The following PRKDC variants were observed in gnomAD, a reference collection of about 807,000 sequenced individuals.
PRKDC encodes protein kinase, DNA-activated, catalytic subunit.
Under a neutral mutation model 486.9 loss-of-function variants are expected in PRKDC, and 82 were observed. The observed-to-expected ratio is 0.17, with a 90% confidence interval of 0.14 to 0.20. PRKDC has a LOEUF of 0.20. Ranked by LOEUF, PRKDC falls within the 10% of genes least tolerant of loss-of-function variation. The pLI, the probability that PRKDC is intolerant of heterozygous loss-of-function variation, is 1.00. For synonymous variants in PRKDC, 1,895 were observed against 1,837.0 expected (o/e 1.03, Z -0.81); for missense variants, 4,504 against 5,038.2 (o/e 0.89, Z 3.21).
intron 61 of PRKDC, among the ~76,000 whole-genome samples, chr8:47,829,494 AATC>A (rs955530970): frequency 1.3e-5 from 2 of 152,212 alleles, no homozygotes; most frequent in African/African-American, 2.4e-5. Context: ...AAATAAATCT[AATC>A]ATCAAATGCA....
At chr8:47,854,833 CCTCG>C (rs2088495866) in intron 50 of PRKDC, among the ~76,000 whole-genome samples, 1 of 152,126 alleles carries the variant, frequency 6.6e-6, no homozygotes, top group Non-Finnish European at 1.5e-5. Flanking sequence ...ATTTTATCGC[CCTCG>C]TATTTTAATT....
rs751427948 is a variant in PRKDC, at chr8:47,779,034, T to C, written c.11549A>G (p.His3850Arg). 4 of 1,601,870 alleles carry C rather than the reference T, an allele frequency of 2.5e-6. No homozygotes were observed. The highest frequency in any genetic ancestry group is 1.7e-5 in the Admixed American group (1 of 58,354). Residue 3850 changes from histidine to arginine, a missense_variant, in exon 81 of 86, where the codon CAT (histidine) becomes CGT (arginine). Physicochemically the swap from His to Arg is conservative, Grantham distance 29 (BLOSUM62 0). Transcript: ENST00000314191. Reference sequence around the variant, plus strand: ...CATTAGCATGTAAGCTCCAACATCATGTTTTCCTGACATTTTTGTCAGCCA... The same window carrying C: ...CATTAGCATGTAAGCTCCAACATCACGTTTTCCTGACATTTTTGTCAGCCA... Reference protein sequence around the residue: ...KDWLTKMSGKHDVGAYMLMYK... With the variant: ...KDWLTKMSGKRDVGAYMLMYK...
intron 64 of PRKDC, 39 bp from the exon 65 acceptor site, chr8:47,821,831 G>C (rs369463716): frequency 3.1e-5 from 46 of 1,471,112 alleles, no homozygotes; most frequent in Non-Finnish European, 4.1e-5. Flanking sequence ...TTACAAAGTT[G>C]GAAAGAATAC....
intron 18 of PRKDC, 149 bp downstream of exon 18, chr8:47,929,704 C>A: frequency 1.2e-6 from 1 of 864,370 alleles, no homozygotes. Flanking sequence ...TATCCAACTG[C>A]CATTCACATA....
rs1302651751 is a variant in PRKDC at position 47,943,340 on chromosome 8, C to T, written c.835G>A (p.Ala279Thr). The T allele has an allele frequency of 1.2e-6, 2 of 1,608,888 alleles. No homozygotes were observed. Among genetic ancestry groups the T allele is most frequent in the East Asian group, 2.2e-5 (1 of 44,844 alleles). ...SAGLRLFALH[A>T]SQFSTCLLDN... ...AGAAGGCAGGTGCTAAACTGAGATG[C>T]ATGCAGGGCAAATAGGCGCAAGCCA... The change falls in exon 10 of 86, where the codon GCA becomes ACA. Residue 279 changes from alanine to threonine, a missense_variant. By Grantham distance (58) the Ala-to-Thr change is moderately conservative. Transcript: ENST00000314191.
At position 47,776,887 on chromosome 8, in the gene PRKDC, C is replaced by T. The variant is rs763433546; in HGVS notation, c.12139G>A (p.Ala4047Thr). The T allele has an allele frequency of 8.1e-6, 13 of 1,613,750 alleles. No individual in the cohort carries two copies. The East Asian group carries it at 8.9e-5, about 11-fold the overall frequency. The change falls in exon 85 of 86, where the codon GCT becomes ACT. Residue 4047 changes from alanine to threonine, a missense_variant. This residue lies in a region of PRKDC where 706 missense variants were observed against 945.0 expected (regional missense o/e 0.75). Transcript: ENST00000314191. ...NWYPRQKICY[A>T]KRKLAGANPA... ...TTGGCACCTGCTAACTTTCTCTTAGCGTAACATATTTTCTGTCGGGGGTAC... is the reference window on the plus strand; with the variant it reads ...TTGGCACCTGCTAACTTTCTCTTAGTGTAACATATTTTCTGTCGGGGGTAC...
chr8:47,889,198 T>C lies in PRKDC; in HGVS notation c.4096A>G (p.Thr1366Ala). Residue 1366 changes from threonine (T) to alanine (A), a missense_variant, in exon 33 of 86, where the codon ACA (threonine) becomes GCA (alanine). Thr to Ala is a moderately conservative substitution (Grantham distance 58). Coordinates refer to ENST00000314191, the MANE Select transcript of PRKDC (RefSeq NM_006904.7). ...TGCACCAGGACTCTCATCAGGTGTG[T>C]ATTACACAAGTCCTTCTTCAGGAGC... ...WKLLKKDLCN[T>A]HLMRVLVQTL... 1 of 1,611,214 alleles carries C rather than the reference T, an allele frequency of 6.2e-7. No homozygotes were observed. Among genetic ancestry groups the C allele is most frequent in the Non-Finnish European group, 8.5e-7 (1 of 1,178,690 alleles).
chr8:47,792,360 G>A (rs564993161), intron 74 of PRKDC, among the ~76,000 whole-genome samples: 41 of 150,750 alleles, frequency 2.7e-4, no homozygotes, highest in African/African-American at 8.8e-4. Context: ...CCGGGTTCAC[G>A]CCATTCTCCT....
Position 47,823,931 on chromosome 8 carries a change from T to C in PRKDC, c.8849A>G (p.Lys2950Arg). The change falls in exon 64 of 86, where the codon AAG (lysine) becomes AGG (arginine). Residue 2950 changes from lysine to arginine, a missense_variant. Around this residue, in one of 6 missense-constraint regions of PRKDC, gnomAD observed 1,592 missense variants for 1,724.6 expected, o/e 0.92. Transcript: ENST00000314191. ...TAATAATGCACTCTGAGTGATTTGC[T>C]TTGTTCCTATCTCACTGGTAAAAAT... ...RGIFTSEIGT[K>R]QITQSALLAE... The C allele has an allele frequency of 6.2e-7, 1 of 1,613,926 alleles. No homozygotes were observed. The highest frequency in any genetic ancestry group is 8.5e-7 in the Non-Finnish European group (1 of 1,179,822).
intron 15 of PRKDC, 120 bp downstream of exon 15, chr8:47,933,845 A>G (rs2090300060): frequency 9.4e-7 from 1 of 1,066,584 alleles, no homozygotes; most frequent in Admixed American, 3.4e-5. Flanking sequence ...TTTTTGAAGT[A>G]CACTGTTTTA....
chr8:47,844,980 T>G (rs2088234982), intron 54 of PRKDC, among the ~76,000 whole-genome samples: 1 of 152,170 alleles, frequency 6.6e-6, no homozygotes, highest in African/African-American at 2.4e-5. Context: ...TTTGGGAGGT[T>G]GAGGCAGGAG....
intron 21 of PRKDC, among the ~76,000 whole-genome samples, chr8:47,919,787 T>G (rs1176451144): frequency 2.0e-5 from 3 of 150,378 alleles, no homozygotes; most frequent in Non-Finnish European, 4.4e-5. Flanking sequence ...AAAAAACAGA[T>G]CTTTGATATC....
chr8:47,812,648 A>G (rs2087353977), intron 68 of PRKDC, among the ~76,000 whole-genome samples: 1 of 152,228 alleles, frequency 6.6e-6, no homozygotes, highest in African/African-American at 2.4e-5. Context: ...GAGGAAGAAA[A>G]GGTATAAAAT....
At chr8:47,827,324 T>C (rs575879350) in intron 62 of PRKDC, among the ~76,000 whole-genome samples, 23 of 152,228 alleles carry the variant, frequency 1.5e-4, no homozygotes, top group African/African-American at 4.8e-4. Flanking sequence ...ATAAACAATA[T>C]TGAAGAATAT....
intron 68 of PRKDC, among the ~76,000 whole-genome samples, chr8:47,813,029 A>G (rs1208963010): frequency 2.6e-5 from 4 of 152,126 alleles, no homozygotes; most frequent in Non-Finnish European, 2.9e-5. Flanking sequence ...AGAAATTTAA[A>G]AAGAAAATGG....
At chr8:47,878,985 T>TG (rs1272235235) in intron 39 of PRKDC, among the ~76,000 whole-genome samples, 1 of 152,232 alleles carries the variant, frequency 6.6e-6, no homozygotes, top group Non-Finnish European at 1.5e-5. Flanking sequence ...AGATAAGGGA[T>TG]GCTCAACCTA....
Position 47,877,822 on chromosome 8 carries a change from G to T in PRKDC, c.5265C>A (p.Ser1755Arg). The change falls in exon 40 of 86, where the codon AGC becomes AGA. Residue 1755 changes from serine (S) to arginine (R), a missense_variant. Coordinates refer to ENST00000314191, the MANE Select transcript of PRKDC (RefSeq NM_006904.7). The stretch of plus-strand genomic sequence containing the variant: ...CTGTCATCAATTCCAACAACATAGG[G>T]CTTTGAGATAATTCCAATGCATCTA... ...KFLDALELSQ[S>R]PMLLELMTEV... 1 of 1,564,672 alleles carries T rather than the reference G, an allele frequency of 6.4e-7. No individual in the cohort carries two copies. The highest frequency in any genetic ancestry group is 8.7e-7 in the Non-Finnish European group (1 of 1,154,090).
chr8:47,957,761 G>T (rs1049538782), intron 1 of PRKDC, among the ~76,000 whole-genome samples: 2 of 152,070 alleles, frequency 1.3e-5, no homozygotes, highest in South Asian at 2.1e-4. Flanking sequence ...CGATCAGCCC[G>T]CCTCGGCCTC....
intron 25 of PRKDC, among the ~76,000 whole-genome samples, chr8:47,906,363 G>A (rs1298974945): frequency 6.6e-6 from 1 of 151,998 alleles, no homozygotes; most frequent in Non-Finnish European, 1.5e-5. Flanking sequence ...AAATTAAAAT[G>A]GCCAGGCACG....
Sources: gnomAD v4.1 joint callset for allele counts (sites outside exome capture counted in the v4.1 genomes callset) on GRCh38, gnomAD v4.1.1 for gene constraint, gnomAD v4.1.1 regional missense constraint, MANE v1.5 for transcripts, NCBI Gene and HGNC (gene_info 2026-07-23, HGNC 2026-07-21) for gene names.